Variants in SARDH observed in about 807,000 individuals in gnomAD.
The protein encoded by SARDH is sarcosine dehydrogenase, also known as sarcosine dehydrogenase, mitochondrial.
In SARDH, 95 loss-of-function variants were observed where a neutral mutation model predicts 109.1. That is an observed-to-expected ratio of 0.87 (90% CI 0.74 to 1.03). The LOEUF is 1.03. Among genes scored for constraint, SARDH ranks in the 50% least tolerant of loss-of-function variants. SARDH has a pLI of 0.00. For missense variants in SARDH, 1,267 were observed against 1,287.8 expected, an observed-to-expected ratio of 0.98 and a Z score of 0.25; for synonymous variants, 572 against 534.8, an observed-to-expected ratio of 1.07 and a Z score of -0.96.
intron 17 of SARDH, among the ~76,000 whole-genome samples, chr9:133,676,105 A>AC (rs1186190548): frequency 9.7e-4 from 122 of 125,304 alleles, no homozygotes; most frequent in African/African-American, 4.8e-3. Context: ...TAAAAAAAAA[A>AC]ACACACACCA....
chr9:133,660,824 G>A (rs779230766), downstream of SARDH, among the ~76,000 whole-genome samples: 3 of 152,242 alleles, frequency 2.0e-5, no homozygotes, highest in Admixed American at 6.5e-5. Context: ...GTGCCTGCCC[G>A]ACTGGGTCCC....
At chr9:133,705,834 G>A (rs1271675316) in intron 11 of SARDH, among the ~76,000 whole-genome samples, 1 of 152,214 alleles carries the variant, frequency 6.6e-6, no homozygotes, top group African/African-American at 2.4e-5. Context: ...AGGTCATCAG[G>A]GTGGGTCCTA....
intron 17 of SARDH, 131 bp from the exon 18 acceptor site, chr9:133,671,828 G>T: frequency 8.6e-7 from 1 of 1,159,418 alleles, no homozygotes; most frequent in Non-Finnish European, 1.2e-6. Flanking sequence ...CAGCCAGATT[G>T]CCATCAAGAA....
intron 1 of SARDH, among the ~76,000 whole-genome samples, chr9:133,735,219 C>T (rs945835892): frequency 7.2e-5 from 11 of 152,202 alleles, no homozygotes; most frequent in South Asian, 2.1e-4. Flanking sequence ...CCCCAAAGCT[C>T]GGTGGGACTA....
Position 133,702,906 on chromosome 9 carries a change from A to G in SARDH, c.1668+10T>C. 1 of 1,609,498 alleles carries G rather than the reference A, an allele frequency of 6.2e-7. No homozygotes were observed. Among genetic ancestry groups the G allele is most frequent in the East Asian group, 2.2e-5 (1 of 44,842 alleles). On this transcript the variant is annotated intron_variant, in intron 13 of 20. Coordinates refer to ENST00000439388, the MANE Select transcript of SARDH (RefSeq NM_001134707.2). Reference sequence around the variant, plus strand: ...AGGACGGACCCCCACGGTGGACCCCAGCTACGCACCGTGTCGTGGTGGGGC... The same window carrying G: ...AGGACGGACCCCCACGGTGGACCCCGGCTACGCACCGTGTCGTGGTGGGGC...
rs1415861432 is a variant in SARDH at position 133,709,433 on chromosome 9, C to G, written c.1329-1005G>C. Among the ~76,000 whole-genome samples, 1 of 152,184 alleles carries G rather than the reference C, an allele frequency of 6.6e-6. No individual in the cohort carries two copies. Among genetic ancestry groups the G allele is most frequent in the Non-Finnish European group, 1.5e-5 (1 of 68,034 alleles). ...CAGCCGCCTCCCACGCACAAACCTC[C>G]CTGTCAGCCCCCGGCTTTCCCAGCA... On this transcript the variant is annotated intron_variant, in intron 10 of 20. Transcript: ENST00000439388. This position sits in a 1 kb window ranked among gnomAD's most constrained non-coding sequence, Gnocchi z 4.2.
intron 17 of SARDH, among the ~76,000 whole-genome samples, chr9:133,677,156 A>G (rs1159164861): frequency 6.6e-6 from 1 of 152,098 alleles, no homozygotes; most frequent in Non-Finnish European, 1.5e-5. Context: ...TAAGACAGAG[A>G]GAGAGGCCTG....
At chr9:133,730,008 G>A (rs1832619800) in intron 5 of SARDH, 56 bp downstream of exon 5, 1 of 1,609,184 alleles carries the variant, frequency 6.2e-7, no homozygotes, top group East Asian at 2.2e-5. Flanking sequence ...GGTGGGAGCA[G>A]GTTTAGGGAG....
At chr9:133,660,617 A>G (rs1832400724), downstream of SARDH, among the ~76,000 whole-genome samples, 1 of 152,068 alleles carries the variant, frequency 6.6e-6, no homozygotes, top group African/African-American at 2.4e-5. Flanking sequence ...ACCCTGAGTT[A>G]GTTACTTTCC....
At chr9:133,694,020 G>A (rs1225654432) in intron 15 of SARDH, among the ~76,000 whole-genome samples, 2 of 152,236 alleles carry the variant, frequency 1.3e-5, no homozygotes, top group Non-Finnish European at 2.9e-5. Context: ...GCAACAGCGT[G>A]GACAGGTTCA....
rs1832205027 is a variant in SARDH, at chr9:133,718,426, G to C, written c.1020+512C>G. ...CAAAATATAGGCACCCAGAGTCAGG[G>C]ACTTTTATCTTAGTTTCCCTCTTTC... On this transcript the variant is annotated intron_variant, in intron 7 of 20. Transcript: ENST00000439388. The surrounding 1 kb of genome is among the most constrained non-coding windows in gnomAD (Gnocchi z 4.2). 1 of 478,746 alleles carries C rather than the reference G, an allele frequency of 2.1e-6. No individual in the cohort carries two copies. The highest frequency in any genetic ancestry group is 3.7e-6 in the Non-Finnish European group (1 of 269,956). 29.7% of individuals were successfully genotyped at this position (478,746 alleles called of 1,614,324 possible).
At position 133,680,022 on chromosome 9, in the gene SARDH, C is replaced by T. The variant is rs532440309; in HGVS notation, c.2163+5171G>A. Among the ~76,000 whole-genome samples the T allele has an allele frequency of 3.9e-4, 59 of 152,350 alleles. No individual in the cohort carries two copies. In the South Asian group the frequency reaches 0.012, roughly 30 times the overall value. ...CCTATAAATACCTGGCTCAGGCCCA[C>T]GCTCCAGCCCAGCGTTTCTTCACGT... On this transcript the variant is annotated intron_variant, in intron 17 of 20. Transcript: ENST00000439388.
In SARDH at chr9:133,718,654, T is replaced by C. The variant is rs1832214268; in HGVS notation, c.1020+284A>G. 1 of 779,188 alleles carries C rather than the reference T, an allele frequency of 1.3e-6. No homozygotes were observed. The highest frequency in any genetic ancestry group is 1.7e-5 in the African/African-American group (1 of 59,146). The allele number at this position is 779,188 out of a possible 1,614,324, so 48.3% of individuals were successfully genotyped here. On this transcript the variant is annotated intron_variant, in intron 7 of 20. Transcript: ENST00000439388. The surrounding 1 kb of genome is among the most constrained non-coding windows in gnomAD (Gnocchi z 4.2). ...TTTGCTGAAGGACGTAGGACTTGTG[T>C]GCTCTCATGCCCTTCTGAGGTCATC...
Position 133,709,563 on chromosome 9 carries a change from G to A in SARDH, c.1329-1135C>T, listed in dbSNP as rs565378188. 6.6e-6 allele frequency among the ~76,000 whole-genome samples: 1 copy of A among 152,254 alleles called. No homozygotes were observed. Among genetic ancestry groups the A allele is most frequent in the Admixed American group, 6.5e-5 (1 of 15,294 alleles). On this transcript the variant is annotated intron_variant, in intron 10 of 20. Transcript: ENST00000439388. The surrounding 1 kb of genome is among the most constrained non-coding windows in gnomAD (Gnocchi z 4.2). ...TTCTATCCTCAGTGACACCTGTCAG[G>A]GCTGATTCTTAGTCTGCACGTAATT...
At chr9:133,696,188 G>A in intron 14 of SARDH, 35 bp downstream of exon 14, 1 of 1,610,606 alleles carries the variant, frequency 6.2e-7, no homozygotes, top group South Asian at 1.1e-5. Flanking sequence ...CCCATGGAGT[G>A]ACAGGAACAT....
At chr9:133,684,019 C>T (rs1476647990) in intron 17 of SARDH, among the ~76,000 whole-genome samples, 1 of 151,794 alleles carries the variant, frequency 6.6e-6, no homozygotes, top group Non-Finnish European at 1.5e-5. Flanking sequence ...ATCTGGGTAA[C>T]ATCCGTCATG....
rs1046033267 is a variant in SARDH, at chr9:133,704,798, C to G, written c.1554+150G>C. ...GCCTTGGGGGCAGGTCGGCAGGGCT[C>G]GGCTTCCCGTGTGCAGAATAACTGA... On this transcript the variant is annotated intron_variant, in intron 12 of 20. Transcript: ENST00000439388. This position sits in a 1 kb window ranked among gnomAD's most constrained non-coding sequence, Gnocchi z 4.5. 3.0e-6 allele frequency: 2 copies of G among 666,472 alleles called. No homozygotes were observed. Among genetic ancestry groups the G allele is most frequent in the Non-Finnish European group, 5.2e-6 (2 of 382,122 alleles). 41.3% of individuals were successfully genotyped at this position (666,472 alleles called of 1,614,324 possible). A position where few individuals can be genotyped will look rare whatever the true frequency, so the allele number is the denominator to read the frequency against.
intron 17 of SARDH, among the ~76,000 whole-genome samples, chr9:133,680,057 T>C (rs551428153): frequency 3.9e-5 from 6 of 152,350 alleles, no homozygotes; most frequent in South Asian, 2.1e-4. Context: ...TTGAGGGATA[T>C]GTCATCAACA....
intron 19 of SARDH, chr9:133,667,200 T>G (rs367874587): frequency 0.036 from 11,394 of 319,050 alleles, 13 homozygotes; most frequent in East Asian, 0.077. Flanking sequence ...TCTGGTTTTT[T>G]TTTTTTTTTT....
Sources: allele counts gnomAD v4.1 joint callset (sites outside exome capture counted in the v4.1 genomes callset), GRCh38; gene constraint gnomAD v4.1.1; non-coding constraint Gnocchi (gnomAD v3.1); transcripts MANE v1.5; gene names NCBI Gene and HGNC (gene_info 2026-07-23, HGNC 2026-07-21).